The following FRMD4A variants were observed in gnomAD, a reference collection of about 807,000 sequenced individuals.
FRMD4A encodes the protein FERM domain containing 4A, also known as FERM domain-containing protein 4A.
In FRMD4A, 29 loss-of-function variants were observed where a neutral mutation model predicts 129.1. The ratio of observed to expected loss-of-function variants is 0.22; its 90% CI spans 0.17 to 0.31. FRMD4A has a LOEUF of 0.31. Ranked by LOEUF, FRMD4A falls within the 10% of genes least tolerant of loss-of-function variation. The probability of loss-of-function intolerance (pLI) is 1.00; values close to 1 mark genes in which losing one functional copy is unlikely to be tolerated. For synonymous variants in FRMD4A, 634 were observed against 571.6 expected (o/e 1.11, Z -1.56); for missense variants, 1,272 against 1,375.8 (o/e 0.92, Z 1.19).
At chr10:13,853,492 C>T (rs1362765970) in intron 3 of FRMD4A, among the ~76,000 whole-genome samples, 5 of 151,750 alleles carry the variant, frequency 3.3e-5, no homozygotes, top group Non-Finnish European at 7.4e-5. Flanking sequence ...GAGCTGTAAT[C>T]GCACCACTGC....
At chr10:13,684,252 G>A in intron 15 of FRMD4A, 2 of 857,140 alleles carry the variant, frequency 2.3e-6, no homozygotes, top group African/African-American at 1.8e-5. Context: ...GGCCAACGAG[G>A]AAGACAAAAA....
At chr10:13,790,698 A>G (rs76669140) in intron 5 of FRMD4A, among the ~76,000 whole-genome samples, 2 of 48,786 alleles carry the variant, frequency 4.1e-5, no homozygotes, top group East Asian at 3.0e-4. Context: ...TCCAGTGACC[A>G]GGGGGTACGA....
At chr10:14,028,694 G>A (rs1599942) in intron 2 of FRMD4A, among the ~76,000 whole-genome samples, 65,184 of 152,076 alleles carry the variant, frequency 0.43, 14,866 homozygotes, top group Non-Finnish European at 0.52. Context: ...CACATTGCAC[G>A]CTTGTATCGA....
intron 2 of FRMD4A, among the ~76,000 whole-genome samples, chr10:14,108,586 C>T (rs1002301742): frequency 6.6e-6 from 1 of 152,188 alleles, no homozygotes; most frequent in Admixed American, 6.5e-5. Flanking sequence ...ACCTCTTCAT[C>T]AAGAACTTAA....
intron 2 of FRMD4A, among the ~76,000 whole-genome samples, chr10:14,208,348 C>T (rs2131951427): frequency 6.6e-6 from 1 of 152,262 alleles, no homozygotes; most frequent in Non-Finnish European, 1.5e-5. Context: ...CTGGGCTCCC[C>T]CAGGTCTCTG....
chr10:13,808,953 T>A (rs950097777), intron 4 of FRMD4A, among the ~76,000 whole-genome samples: 44 of 152,334 alleles, frequency 2.9e-4, no homozygotes, highest in African/African-American at 1.0e-3. Flanking sequence ...CAAGACACTT[T>A]TATCCAGCCT....
At chr10:13,831,248 G>A (rs953827425) in intron 3 of FRMD4A, among the ~76,000 whole-genome samples, 2 of 152,128 alleles carry the variant, frequency 1.3e-5, no homozygotes, top group African/African-American at 2.4e-5. Flanking sequence ...CAACTTTACC[G>A]GTCTTCATCT....
At chr10:14,075,604 G>T (rs1835544641) in intron 2 of FRMD4A, among the ~76,000 whole-genome samples, 1 of 152,154 alleles carries the variant, frequency 6.6e-6, no homozygotes. Flanking sequence ...AAAGCGTAAA[G>T]TTTCACTGGC....
chr10:13,962,472 C>T (rs762193997), intron 2 of FRMD4A, among the ~76,000 whole-genome samples: 4 of 152,018 alleles, frequency 2.6e-5, no homozygotes, highest in African/African-American at 4.8e-5. Flanking sequence ...AAAAGGCAAG[C>T]GTTTGTGAAG....
intron 2 of FRMD4A, among the ~76,000 whole-genome samples, chr10:14,001,992 T>C (rs565857852): frequency 6.6e-6 from 1 of 152,352 alleles, no homozygotes; most frequent in East Asian, 1.9e-4. Flanking sequence ...TTCCGAATTC[T>C]TAAGTTATGC....
intron 2 of FRMD4A, among the ~76,000 whole-genome samples, chr10:14,192,648 G>T (rs535534650): frequency 4.6e-5 from 7 of 152,262 alleles, no homozygotes; most frequent in Admixed American, 2.6e-4. Context: ...CTCCAAAGAA[G>T]AGCCTTCTTG....
In FRMD4A at chr10:14,091,114, G is replaced by A. The variant is rs181817424; in HGVS notation, c.46-232202C>T. ...GAACAGGATTTCAAGAAAAGAGATG[G>A]AAGAATGTTCAGATTCCTAAAAATC... On this transcript the variant is annotated intron_variant, in intron 2 of 24. Coordinates refer to ENST00000357447, the MANE Select transcript of FRMD4A (RefSeq NM_018027.5). Among the ~76,000 whole-genome samples, 39 of 152,290 alleles carry A rather than the reference G, an allele frequency of 2.6e-4. No homozygotes were observed. The East Asian group carries it at 7.1e-3, about 28-fold the overall frequency.
intron 2 of FRMD4A, among the ~76,000 whole-genome samples, chr10:14,209,614 G>A (rs1030700184): frequency 7.2e-5 from 11 of 152,006 alleles, no homozygotes; most frequent in East Asian, 3.9e-4. Flanking sequence ...CCAATTACTC[G>A]GGAGGCTGAG....
At chr10:13,676,066 C>T (rs1231566197) in intron 15 of FRMD4A, 1 of 151,962 alleles carries the variant, frequency 6.6e-6, no homozygotes, top group East Asian at 1.9e-4. Flanking sequence ...AAACTTCAAA[C>T]CAAACCAAAG....
chr10:13,981,633 G>A (rs1349978031), intron 2 of FRMD4A, among the ~76,000 whole-genome samples: 1 of 151,536 alleles, frequency 6.6e-6, no homozygotes, highest in African/African-American at 2.4e-5. Context: ...CAGCTACTCA[G>A]GAAGCTGAGG....
intron 2 of FRMD4A, among the ~76,000 whole-genome samples, chr10:14,118,412 C>T (rs1344794199): frequency 6.6e-6 from 1 of 152,188 alleles, no homozygotes; most frequent in East Asian, 1.9e-4. Context: ...CAAATAGAAT[C>T]AGAAACCCCA....
chr10:13,933,581 G>C (rs1289786558), intron 2 of FRMD4A, among the ~76,000 whole-genome samples: 1 of 152,166 alleles, frequency 6.6e-6, no homozygotes, highest in Admixed American at 6.5e-5. Context: ...TCCGTGACAG[G>C]GGTCACTCTA....
chr10:14,010,649 T>C (rs577863754), intron 2 of FRMD4A, among the ~76,000 whole-genome samples: 2 of 149,042 alleles, frequency 1.3e-5, no homozygotes, highest in South Asian at 2.2e-4. Flanking sequence ...TCAAAATTAA[T>C]TGTCGAGTTT....
chr10:14,126,296 G>A (rs937697180), intron 2 of FRMD4A, among the ~76,000 whole-genome samples: 3 of 150,518 alleles, frequency 2.0e-5, no homozygotes, highest in African/African-American at 7.3e-5. Context: ...TCAGCCTTCC[G>A]AATAGCTGGG....
Sources: allele counts gnomAD v4.1 joint callset (sites outside exome capture counted in the v4.1 genomes callset), GRCh38; gene constraint gnomAD v4.1.1; transcripts MANE v1.5; gene names NCBI Gene and HGNC (gene_info 2026-07-23, HGNC 2026-07-21).